The following CUX1 variants were observed in gnomAD, a reference collection of about 807,000 sequenced individuals.
The protein encoded by CUX1 is cut like homeobox 1.
Under a neutral mutation model 158.8 loss-of-function variants are expected in CUX1, and 31 were observed. The ratio of observed to expected loss-of-function variants is 0.20; its 90% CI spans 0.15 to 0.26. The LOEUF is 0.26. CUX1 is among the 10% of genes least tolerant of loss of function. The probability of loss-of-function intolerance (pLI) is 1.00; values close to 1 mark genes in which losing one functional copy is unlikely to be tolerated. For synonymous variants in CUX1, 879 were observed against 862.1 expected (o/e 1.02, Z -0.34); for missense variants, 1,589 against 2,014.6 (o/e 0.79, Z 4.04).
rs117529090 is a variant in CUX1, at chr7:102,079,672, A to G, written c.268+9255A>G. Among the ~76,000 whole-genome samples, 762 of 152,270 alleles carry G rather than the reference A, an allele frequency of 5.0e-3. 2 individuals are homozygous for G. The highest frequency in any genetic ancestry group is 0.014 in the Middle Eastern group (4 of 294). ...GAGAGCTCCCTGTAACTTCAGTAGC[A>G]GGAGACATGCGGGATCCCTTTACAA... is the stretch of plus-strand genomic sequence containing the variant. On this transcript the variant is annotated intron_variant, in intron 4 of 23. Coordinates refer to ENST00000292535, the MANE Select transcript of CUX1 (RefSeq NM_181552.4).
At chr7:102,265,295 G>A (rs1383422276) in intron 14 of CUX1, among the ~76,000 whole-genome samples, 1 of 151,056 alleles carries the variant, frequency 6.6e-6, no homozygotes, top group Non-Finnish European at 1.5e-5. Flanking sequence ...GGCAGAGGTT[G>A]CAGTGAGCCG....
chr7:102,031,960 A>C (rs66544039), intron 3 of CUX1, among the ~76,000 whole-genome samples: 1 of 149,804 alleles, frequency 6.7e-6, no homozygotes, highest in African/African-American at 2.5e-5. Flanking sequence ...GTCTGGCTCT[A>C]TCACCCAGGG....
intron 17 of CUX1, chr7:102,275,478 T>A: frequency 1.3e-6 from 1 of 799,812 alleles, no homozygotes; most frequent in Non-Finnish European, 2.0e-6. Flanking sequence ...AAGAGATTTG[T>A]TCTGTGCAGT....
intron 1 of CUX1, among the ~76,000 whole-genome samples, chr7:101,821,583 C>G (rs887952958): frequency 3.8e-4 from 58 of 151,652 alleles, no homozygotes; most frequent in African/African-American, 1.3e-3. Context: ...AGTGATCCGC[C>G]CGCCTTGGCC....
intron 2 of CUX1, among the ~76,000 whole-genome samples, chr7:102,013,750 G>T (rs1377797975): frequency 5.9e-5 from 9 of 152,138 alleles, no homozygotes; most frequent in African/African-American, 2.2e-4. Context: ...TGTCTCCCAG[G>T]CTGGAGTGCA....
At chr7:102,228,142 G>A (rs1563448565) in intron 21 of CUX1, among the ~76,000 whole-genome samples, 1 of 151,574 alleles carries the variant, frequency 6.6e-6, no homozygotes, top group Non-Finnish European at 1.5e-5. Context: ...GTAGAGGTGG[G>A]GTTTCACCAT....
At chr7:101,927,410 G>A (rs186554933) in intron 2 of CUX1, among the ~76,000 whole-genome samples, 2 of 152,244 alleles carry the variant, frequency 1.3e-5, no homozygotes, top group African/African-American at 4.8e-5. Context: ...TGTAATCCCA[G>A]CACTTTGGAG....
chr7:102,044,047 G>A (rs553748392), intron 3 of CUX1, among the ~76,000 whole-genome samples: 3 of 152,162 alleles, frequency 2.0e-5, no homozygotes, highest in Admixed American at 6.5e-5. Flanking sequence ...GCGGTGGTGC[G>A]ATCATGGCTC....
chr7:101,822,479 C>T (rs1562886388), intron 1 of CUX1: 1 of 152,172 alleles, frequency 6.6e-6, no homozygotes, highest in South Asian at 2.1e-4. Context: ...GAACCTGTGC[C>T]GTTCCCCTCA....
chr7:102,091,691 C>CT (rs1563228621), intron 4 of CUX1, among the ~76,000 whole-genome samples: 1 of 152,138 alleles, frequency 6.6e-6, no homozygotes, highest in Admixed American at 6.6e-5. Context: ...GCTTAAAACT[C>CT]TTACATGCTT....
intron 1 of CUX1, among the ~76,000 whole-genome samples, chr7:101,878,695 G>A (rs1258049402): frequency 2.0e-5 from 3 of 151,258 alleles, no homozygotes; most frequent in Non-Finnish European, 2.9e-5. Flanking sequence ...TTTTTTAAGA[G>A]ACAGAGTTTC....
At chr7:101,975,191 C>T (rs1812495500) in intron 2 of CUX1, among the ~76,000 whole-genome samples, 2 of 151,840 alleles carry the variant, frequency 1.3e-5, no homozygotes, top group South Asian at 4.2e-4. Context: ...ATGGAGGTTG[C>T]AGTGAGTCGC....
At chr7:102,053,000 G>A (rs1272866686) in intron 3 of CUX1, among the ~76,000 whole-genome samples, 1 of 152,140 alleles carries the variant, frequency 6.6e-6, no homozygotes, top group Middle Eastern at 3.2e-3. Flanking sequence ...AGTGGAGACA[G>A]GGTTTCACCA....
chr7:101,892,439 T>C (rs1800980206), intron 1 of CUX1, among the ~76,000 whole-genome samples: 3 of 152,198 alleles, frequency 2.0e-5, no homozygotes. Context: ...TACTGTGGGC[T>C]TCTAATTACC....
intron 1 of CUX1, among the ~76,000 whole-genome samples, chr7:101,826,212 A>AT (rs773310589): frequency 6.0e-5 from 9 of 149,468 alleles, no homozygotes; most frequent in Non-Finnish European, 1.2e-4. Flanking sequence ...TTTGTTTTTG[A>AT]TTTTTTGAGG....
intron 9 of CUX1, among the ~76,000 whole-genome samples, chr7:102,166,792 ATT>A (rs1344631832): frequency 6.6e-6 from 1 of 151,738 alleles, no homozygotes; most frequent in African/African-American, 2.4e-5. Context: ...TGAGTTTTGT[ATT>A]TTTTTTCGAC....
intron 14 of CUX1, among the ~76,000 whole-genome samples, chr7:102,266,219 AAGAGAG>A (rs35439464): frequency 2.0e-5 from 3 of 147,638 alleles, no homozygotes; most frequent in African/African-American, 7.8e-5. Context: ...AAAAAAAAAA[AAGAGAG>A]AGAGAGAGAC....
chr7:102,168,908 C>CTTTTTTTTT (rs1563341626), intron 9 of CUX1, among the ~76,000 whole-genome samples: 2 of 121,978 alleles, frequency 1.6e-5, no homozygotes, highest in African/African-American at 6.9e-5. Flanking sequence ...CTTTTCTTTT[C>CTTTTTTTTT]TTTTATTTTC....
intron 2 of CUX1, among the ~76,000 whole-genome samples, chr7:101,987,293 T>C (rs1814437814): frequency 6.6e-6 from 1 of 152,174 alleles, no homozygotes; most frequent in African/African-American, 2.4e-5. Context: ...GCTCCTCTTG[T>C]CCTAATGTGG....
Sources: allele counts gnomAD v4.1 joint callset (sites outside exome capture counted in the v4.1 genomes callset), GRCh38; gene constraint gnomAD v4.1.1; transcripts MANE v1.5; gene names NCBI Gene and HGNC (gene_info 2026-07-23, HGNC 2026-07-21).